OR9Q1: variants seen among roughly 807,000 people sequenced by gnomAD.
OR9Q1 encodes olfactory receptor 9Q1.
For missense variants in OR9Q1, 374 were observed against 378.8 expected (o/e 0.99, Z 0.11); for synonymous variants, 153 against 148.6 (o/e 1.03, Z -0.22).
At chr11:58,024,234 A>G in intron 1 of OR9Q1, 130 bp downstream of exon 1, 1 of 152,458 alleles carries the variant, frequency 6.6e-6, no homozygotes, top group Non-Finnish European at 1.5e-5. Context: ...GGCTGTGATG[A>G]GCTAGACCCA....
intron 2 of OR9Q1, among the ~76,000 whole-genome samples, chr11:58,141,547 C>A (rs1261510159): frequency 6.6e-6 from 1 of 152,182 alleles, no homozygotes; most frequent in Non-Finnish European, 1.5e-5. Flanking sequence ...GTTGAACCAG[C>A]CTTGCATCCC....
chr11:58,086,009 G>C (rs1202300416), intron 2 of OR9Q1, among the ~76,000 whole-genome samples: 2 of 151,860 alleles, frequency 1.3e-5, no homozygotes, highest in African/African-American at 4.9e-5. Flanking sequence ...TCTTGAACCT[G>C]CTATTGAAAC....
intron 2 of OR9Q1, among the ~76,000 whole-genome samples, chr11:58,153,016 C>T (rs1278804267): frequency 2.0e-5 from 3 of 152,186 alleles, no homozygotes; most frequent in Admixed American, 2.0e-4. Context: ...AGCCTGCCAC[C>T]TGGTAGGCAC....
At chr11:58,096,797 G>A (rs901592266) in intron 2 of OR9Q1, among the ~76,000 whole-genome samples, 7 of 150,000 alleles carry the variant, frequency 4.7e-5, no homozygotes, top group South Asian at 2.1e-4. Context: ...TACATCTTCC[G>A]GGTTCAAGCA....
chr11:58,112,555 T>C (rs1853913025), intron 2 of OR9Q1, among the ~76,000 whole-genome samples: 2 of 152,300 alleles, frequency 1.3e-5, no homozygotes, highest in East Asian at 1.9e-4. Flanking sequence ...ACTTTGTTTA[T>C]GCAGCCTGAG....
Position 58,150,030 on chromosome 11 carries a change from T to C in OR9Q1, c.-14-29401T>C, listed in dbSNP as rs1166471363. ...ATATGGTAAATCTATGCTTAACTTT[T>C]TGAGGAACCACCTACTGTTTTTCAC... On this transcript the variant is annotated intron_variant, in intron 2 of 2. Coordinates refer to ENST00000335397, the MANE Select transcript of OR9Q1 (RefSeq NM_001005212.4). Among the ~76,000 whole-genome samples, 4 of 152,204 alleles carry C rather than the reference T, an allele frequency of 2.6e-5. No homozygotes were observed. In the East Asian group the frequency reaches 7.7e-4, roughly 29 times the overall value.
rs1446945793 is a variant in OR9Q1 at position 58,118,420 on chromosome 11, T to C, written c.-14-61011T>C. 2.2e-6 allele frequency: 2 copies of C among 889,724 alleles called. 1 individual carries two copies. Among genetic ancestry groups the C allele is most frequent in the East Asian group, 4.9e-5 (2 of 41,236 alleles). 55.1% of individuals were successfully genotyped at this position (889,724 alleles called of 1,614,324 possible). On this transcript the variant is annotated intron_variant, in intron 2 of 2. Coordinates refer to ENST00000335397, the MANE Select transcript of OR9Q1 (RefSeq NM_001005212.4). Reference sequence around the variant, plus strand: ...GTCTTCTCTGTTTGTGGGTATAGGTTGCATATAGTAATGGTGCCTATTAGG... The same window carrying C: ...GTCTTCTCTGTTTGTGGGTATAGGTCGCATATAGTAATGGTGCCTATTAGG...
intron 2 of OR9Q1, among the ~76,000 whole-genome samples, chr11:58,163,564 GC>G (rs1201700693): frequency 1.3e-5 from 2 of 152,208 alleles, no homozygotes; most frequent in Non-Finnish European, 2.9e-5. Context: ...TGCTGTCTGT[GC>G]CAGTTGCTTC....
chr11:58,096,374 A>G (rs566970746), intron 2 of OR9Q1, among the ~76,000 whole-genome samples: 23 of 152,290 alleles, frequency 1.5e-4, no homozygotes, highest in South Asian at 1.0e-3. Context: ...TGTCCAGACA[A>G]TCATTCTTCC....
At chr11:58,131,755 C>T (rs1340574718) in intron 2 of OR9Q1, among the ~76,000 whole-genome samples, 2 of 152,058 alleles carry the variant, frequency 1.3e-5, no homozygotes, top group Non-Finnish European at 2.9e-5. Context: ...GTGTTCAATG[C>T]CCCCAACACT....
At chr11:58,138,106 C>G (rs935425130) in intron 2 of OR9Q1, among the ~76,000 whole-genome samples, 2 of 152,146 alleles carry the variant, frequency 1.3e-5, no homozygotes, top group Non-Finnish European at 1.5e-5. Flanking sequence ...ATCACATGCT[C>G]TCTCTGGCTC....
chr11:58,056,701 C>T (rs1052681622), intron 2 of OR9Q1, among the ~76,000 whole-genome samples: 7 of 152,278 alleles, frequency 4.6e-5, no homozygotes, highest in Admixed American at 3.9e-4. Flanking sequence ...TGGCTCTTTA[C>T]TGAGAAAATT....
At chr11:58,089,751 C>CT (rs1362845608) in intron 2 of OR9Q1, among the ~76,000 whole-genome samples, 1 of 151,790 alleles carries the variant, frequency 6.6e-6, no homozygotes, top group Non-Finnish European at 1.5e-5. Flanking sequence ...GGCAGTATGA[C>CT]TATTGTTGTG....
chr11:58,111,423 C>T (rs10792137), intron 2 of OR9Q1, among the ~76,000 whole-genome samples: 33,353 of 152,144 alleles, frequency 0.22, 4,820 homozygotes, highest in East Asian at 0.58. Context: ...GTTTTAAAAC[C>T]TTCTCTGCTT....
At chr11:58,096,700 T>A (rs1357330692) in intron 2 of OR9Q1, among the ~76,000 whole-genome samples, 1 of 106,146 alleles carries the variant, frequency 9.4e-6, no homozygotes, top group African/African-American at 3.3e-5. Context: ...TTTGAGACAG[T>A]CTCTTTTTTT....
At chr11:58,065,632 G>A (rs1319758916) in intron 2 of OR9Q1, among the ~76,000 whole-genome samples, 1 of 152,138 alleles carries the variant, frequency 6.6e-6, no homozygotes, top group Non-Finnish European at 1.5e-5. Flanking sequence ...CTCTGTGAAT[G>A]TGCCCATGAA....
intron 2 of OR9Q1, among the ~76,000 whole-genome samples, chr11:58,093,358 A>G (rs928450748): frequency 2.0e-5 from 3 of 152,214 alleles, no homozygotes; most frequent in African/African-American, 7.2e-5. Flanking sequence ...AAGTGGGCTA[A>G]AAGCCTGAAC....
At chr11:58,048,679 A>AAATATAT (rs745596668) in intron 1 of OR9Q1, among the ~76,000 whole-genome samples, 2 of 131,398 alleles carry the variant, frequency 1.5e-5, no homozygotes, top group Non-Finnish European at 1.6e-5. Context: ...TAAAAAAAAA[A>AAATATAT]ATATATATAT....
intron 1 of OR9Q1, among the ~76,000 whole-genome samples, chr11:58,055,619 T>C (rs1223268416): frequency 6.6e-6 from 1 of 151,860 alleles, no homozygotes; most frequent in African/African-American, 2.4e-5. Flanking sequence ...GGCACCATAG[T>C]GAAACCCCAT....
Sources: gnomAD v4.1 joint callset for allele counts (sites outside exome capture counted in the v4.1 genomes callset) on GRCh38, gnomAD v4.1.1 for gene constraint, MANE v1.5 for transcripts, NCBI Gene and HGNC (gene_info 2026-07-23, HGNC 2026-07-21) for gene names.